Variants in CDK14 observed in about 807,000 individuals in gnomAD.
CDK14 encodes the protein cyclin-dependent kinase 14.
A neutral mutation model predicts 60.7 loss-of-function variants in CDK14; 34 were observed. The ratio of observed to expected loss-of-function variants is 0.56; its 90% CI spans 0.43 to 0.75. The LOEUF (loss-of-function observed/expected upper bound fraction) is 0.75. Among genes scored for constraint, CDK14 ranks in the 30% least tolerant of loss-of-function variants. CDK14 has a pLI of 0.00. For synonymous variants in CDK14, 197 were observed against 203.7 expected (o/e 0.97, Z 0.28); for missense variants, 482 against 564.1 (o/e 0.85, Z 1.47).
chr7:91,028,000 G>A (rs1301763354), intron 10 of CDK14, among the ~76,000 whole-genome samples: 1 of 123,810 alleles, frequency 8.1e-6, no homozygotes, highest in Non-Finnish European at 1.7e-5. Context: ...CCCGAATAGT[G>A]TGCAGTGTAT....
At chr7:90,663,578 C>T (rs1800907709) in intron 2 of CDK14, among the ~76,000 whole-genome samples, 1 of 152,188 alleles carries the variant, frequency 6.6e-6, no homozygotes, top group African/African-American at 2.4e-5. Context: ...TGAATTGTTA[C>T]TAGCAAAATT....
chr7:91,033,265 A>C lies in CDK14; in HGVS notation c.1042-12632A>C, dbSNP rs368111683. 8.3e-4 allele frequency among the ~76,000 whole-genome samples: 126 copies of C among 152,314 alleles called. 1 individual carries two copies. Among genetic ancestry groups the C allele is most frequent in the African/African-American group, 2.9e-3 (119 of 41,576 alleles). On this transcript the variant is annotated intron_variant, in intron 10 of 14. Coordinates refer to ENST00000380050, the MANE Select transcript of CDK14 (RefSeq NM_001287135.2). Reference sequence around the variant, plus strand: ...GTGAGCTGTGACTTGCAGAGTGCCAAGCCAGTTTTCCATGCAGTCTTTATC... The same window carrying C: ...GTGAGCTGTGACTTGCAGAGTGCCACGCCAGTTTTCCATGCAGTCTTTATC...
chr7:90,825,215 G>A (rs1487679875), intron 5 of CDK14, among the ~76,000 whole-genome samples: 4 of 152,168 alleles, frequency 2.6e-5, no homozygotes, highest in South Asian at 2.1e-4. Context: ...CTATACTCCC[G>A]TACTCTGAGT....
At chr7:90,668,706 T>A (rs1267085992) in intron 2 of CDK14, among the ~76,000 whole-genome samples, 1 of 25,112 alleles carries the variant, frequency 4.0e-5, no homozygotes, top group East Asian at 2.9e-3. Context: ...ATTCTTTTTT[T>A]TTTTTTTTTT....
intron 6 of CDK14, among the ~76,000 whole-genome samples, chr7:90,875,272 G>A (rs1791518604): frequency 6.6e-6 from 1 of 152,132 alleles, no homozygotes; most frequent in Non-Finnish European, 1.5e-5. Context: ...TGTACATGTG[G>A]GGTTTCTTTT....
At chr7:91,113,175 T>C (rs888126282) in intron 13 of CDK14, among the ~76,000 whole-genome samples, 6 of 152,250 alleles carry the variant, frequency 3.9e-5, no homozygotes, top group African/African-American at 9.6e-5. Context: ...GAGACCATCT[T>C]GGTTGTAACA....
intron 9 of CDK14, among the ~76,000 whole-genome samples, chr7:90,976,357 C>CT (rs908753199): frequency 2.6e-5 from 4 of 151,606 alleles, no homozygotes; most frequent in Non-Finnish European, 4.4e-5. Context: ...TGTCCCCCCG[C>CT]TTTTTTTTCT....
intron 5 of CDK14, among the ~76,000 whole-genome samples, chr7:90,793,610 G>C (rs74891008): frequency 6.6e-6 from 1 of 152,186 alleles, no homozygotes; most frequent in Non-Finnish European, 1.5e-5. Flanking sequence ...AATTGATAGA[G>C]TGGGAGGGAT....
intron 2 of CDK14, among the ~76,000 whole-genome samples, chr7:90,661,666 G>A (rs1800868189): frequency 6.6e-6 from 1 of 152,114 alleles, no homozygotes; most frequent in African/African-American, 2.4e-5. Flanking sequence ...GTTTTTAACG[G>A]GTTTCTAATC....
intron 1 of CDK14, among the ~76,000 whole-genome samples, chr7:90,603,699 A>T (rs1214167522): frequency 6.6e-6 from 1 of 152,242 alleles, no homozygotes; most frequent in Non-Finnish European, 1.5e-5. Context: ...TATAAAATTT[A>T]TCATGTCGAA....
At chr7:90,644,360 A>G (rs1190797390) in intron 2 of CDK14, among the ~76,000 whole-genome samples, 1 of 152,260 alleles carries the variant, frequency 6.6e-6, no homozygotes, top group Non-Finnish European at 1.5e-5. Context: ...CTTAAAGCCA[A>G]GTATGAGTTA....
intron 9 of CDK14, among the ~76,000 whole-genome samples, chr7:90,956,859 G>A (rs971439065): frequency 1.3e-5 from 2 of 150,154 alleles, no homozygotes; most frequent in Non-Finnish European, 2.9e-5. Context: ...GTGAGAATAT[G>A]TGGTATTTGG....
intron 10 of CDK14, among the ~76,000 whole-genome samples, chr7:91,039,441 G>A (rs1431949903): frequency 6.6e-6 from 1 of 152,132 alleles, no homozygotes; most frequent in Non-Finnish European, 1.5e-5. Context: ...AGTATAAAAT[G>A]AAAAAGATAC....
intron 10 of CDK14, among the ~76,000 whole-genome samples, chr7:91,009,299 T>A (rs1276900269): frequency 6.6e-6 from 1 of 152,202 alleles, no homozygotes; most frequent in Non-Finnish European, 1.5e-5. Context: ...TTTCCAGTTT[T>A]GTTGTACCTT....
At position 91,193,700 on chromosome 7, in the gene CDK14, CAA is replaced by C. The variant is rs565583807; in HGVS notation, c.*29-13464_*29-13463del. ...ATTTCAACTACAAAGAATTTATGGT[CAA>C]GAGAGATTATGGTTATATATATAAC... On this transcript the variant is annotated intron_variant, in intron 14 of 14. Transcript: ENST00000380050. Among the ~76,000 whole-genome samples, 205 of 151,908 alleles carry C rather than the reference CAA, an allele frequency of 1.3e-3. 1 individual carries two copies. Among genetic ancestry groups the C allele is most frequent in the African/African-American group, 4.6e-3 (192 of 41,420 alleles).
At chr7:91,057,494 G>C (rs1238666487) in intron 11 of CDK14, among the ~76,000 whole-genome samples, 1 of 151,900 alleles carries the variant, frequency 6.6e-6, no homozygotes, top group Non-Finnish European at 1.5e-5. Flanking sequence ...CCTATGTCCT[G>C]AATGGTATTG....
intron 14 of CDK14, among the ~76,000 whole-genome samples, chr7:91,156,058 A>G (rs1181088982): frequency 6.6e-6 from 1 of 152,202 alleles, no homozygotes; most frequent in Admixed American, 6.5e-5. Flanking sequence ...CGCTGTTATT[A>G]CATTTTAAGG....
chr7:90,639,619 A>T (rs955155693), intron 2 of CDK14, among the ~76,000 whole-genome samples: 4 of 149,572 alleles, frequency 2.7e-5, no homozygotes, highest in Non-Finnish European at 4.4e-5. Context: ...CCGTTCTCAG[A>T]TCTCCAGCTG....
intron 11 of CDK14, among the ~76,000 whole-genome samples, chr7:91,054,175 T>C (rs1360718069): frequency 6.7e-6 from 1 of 149,102 alleles, no homozygotes; most frequent in East Asian, 2.0e-4. Flanking sequence ...ACACTTTACC[T>C]CAGGAATTTT....
Sources: allele counts gnomAD v4.1 joint callset (sites outside exome capture counted in the v4.1 genomes callset), GRCh38; gene constraint gnomAD v4.1.1; transcripts MANE v1.5; gene names NCBI Gene and HGNC (gene_info 2026-07-23, HGNC 2026-07-21).